CYP4Z1: variants seen among roughly 807,000 people sequenced by gnomAD.
CYP4Z1 encodes cytochrome P450 4Z1.
CYP4Z1 carries 41 observed loss-of-function variants against 54.2 expected under a neutral mutation model. The ratio of observed to expected loss-of-function variants is 0.76; its 90% CI spans 0.59 to 0.98. The LOEUF is 0.98. CYP4Z1 is among the 50% of genes least tolerant of loss of function. The pLI is 0.00. For synonymous variants in CYP4Z1, 163 were observed against 206.2 expected, an observed-to-expected ratio of 0.79 and a Z score of 1.79; for missense variants, 513 against 599.0, an observed-to-expected ratio of 0.86 and a Z score of 1.50.
At chr1:47,095,558 T>A (rs2148534981) in intron 7 of CYP4Z1, among the ~76,000 whole-genome samples, 1 of 152,358 alleles carries the variant, frequency 6.6e-6, no homozygotes, top group African/African-American at 2.4e-5. Flanking sequence ...AAAACAATAT[T>A]TTTATTTTAT....
chr1:47,056,000 A>G, the CYP4Z1 span, among the ~76,000 whole-genome samples: 1 of 151,832 alleles, frequency 6.6e-6, no homozygotes, highest in African/African-American at 2.4e-5. Context: ...TAGTTCTTTT[A>G]ATTGTGATGT....
chr1:47,104,411 A>G (rs1210872522), intron 8 of CYP4Z1, among the ~76,000 whole-genome samples: 1 of 152,174 alleles, frequency 6.6e-6, no homozygotes, highest in Non-Finnish European at 1.5e-5. Context: ...TAGCTACTCC[A>G]GGCAGACCAA....
chr1:47,106,219 G>C lies in CYP4Z1; in HGVS notation c.1159G>C (p.Asp387His). 1 of 1,613,152 alleles carries C rather than the reference G, an allele frequency of 6.2e-7. No homozygotes were observed. The highest frequency in any genetic ancestry group is 1.1e-5 in the South Asian group (1 of 91,016). Reference protein sequence around the residue: ...APVVNISRLLDKPITFPDGRS... With the variant: ...APVVNISRLLHKPITFPDGRS... Reference sequence around the variant, plus strand: ...GGTAGTAAACATATCCCGGTTACTCGACAAACCCATCACCTTTCCAGATGG... The same window carrying C: ...GGTAGTAAACATATCCCGGTTACTCCACAAACCCATCACCTTTCCAGATGG... Residue 387 changes from aspartate (D) to histidine (H), a missense_variant, in exon 9 of 12, where the codon GAC becomes CAC. By Grantham distance (81) the Asp-to-His change is moderately conservative. Transcript: ENST00000334194.
intron 1 of CYP4Z1, 152 bp downstream of exon 1, chr1:47,067,819 G>A: frequency 2.9e-6 from 2 of 687,154 alleles, no homozygotes; most frequent in Non-Finnish European, 2.2e-6. Flanking sequence ...GATATGGGGA[G>A]GAAAGATATT....
intron 10 of CYP4Z1, among the ~76,000 whole-genome samples, chr1:47,116,284 A>G (rs184717620): frequency 1.4e-3 from 214 of 152,348 alleles, no homozygotes; most frequent in African/African-American, 4.8e-3. Flanking sequence ...CAAATAGAAA[A>G]GATAATAATT....
intron 9 of CYP4Z1, among the ~76,000 whole-genome samples, chr1:47,106,683 G>A (rs1644760037): frequency 6.6e-6 from 1 of 152,118 alleles, no homozygotes; most frequent in African/African-American, 2.4e-5. Flanking sequence ...GTAATCCACA[G>A]ACTCCAGGAT....
intron 8 of CYP4Z1, among the ~76,000 whole-genome samples, chr1:47,103,619 A>T (rs1644736670): frequency 3.4e-5 from 3 of 89,300 alleles, no homozygotes; most frequent in East Asian, 2.8e-4. Context: ...TTTTAGACAG[A>T]GTTTTGCTCT....
At chr1:47,106,313 A>G in intron 9 of CYP4Z1, 52 bp downstream of exon 9, 2 of 1,570,182 alleles carry the variant, frequency 1.3e-6, no homozygotes, top group Non-Finnish European at 1.7e-6. Context: ...CTGGATTGAA[A>G]TGTCTTAACA....
At chr1:47,099,540 A>G (rs908847223) in intron 8 of CYP4Z1, among the ~76,000 whole-genome samples, 2 of 152,210 alleles carry the variant, frequency 1.3e-5, no homozygotes, top group Non-Finnish European at 2.9e-5. Flanking sequence ...CAACTGCGGA[A>G]AGAATAGTCT....
intron 9 of CYP4Z1, among the ~76,000 whole-genome samples, chr1:47,108,511 TAA>T (rs1557634167): frequency 6.6e-6 from 1 of 152,024 alleles, no homozygotes. Flanking sequence ...TGTTTATTTC[TAA>T]AAAGAAACAT....
chr1:47,116,077 G>C (rs1315848194), intron 10 of CYP4Z1, among the ~76,000 whole-genome samples: 3 of 152,118 alleles, frequency 2.0e-5, no homozygotes, highest in African/African-American at 4.8e-5. Flanking sequence ...GAGGGGGCCT[G>C]GGAGAGAACA....
intron 9 of CYP4Z1, among the ~76,000 whole-genome samples, chr1:47,113,217 C>A (rs1253377166): frequency 1.3e-5 from 2 of 152,182 alleles, no homozygotes; most frequent in Non-Finnish European, 2.9e-5. Flanking sequence ...AGTATTAAAG[C>A]TTGGCTTCAT....
chr1:47,101,331 G>A (rs1644720028), intron 8 of CYP4Z1, among the ~76,000 whole-genome samples: 1 of 152,036 alleles, frequency 6.6e-6, no homozygotes, highest in African/African-American at 2.4e-5. Flanking sequence ...TCCTAGAGGT[G>A]CCTCATTAGA....
chr1:47,112,765 C>T (rs1485422427), intron 9 of CYP4Z1, among the ~76,000 whole-genome samples: 1 of 152,012 alleles, frequency 6.6e-6, no homozygotes, highest in Admixed American at 6.6e-5. Context: ...AACAGTGCAT[C>T]ATGGCCAAGT....
intron 9 of CYP4Z1, among the ~76,000 whole-genome samples, chr1:47,110,407 C>A: frequency 7.1e-6 from 1 of 141,272 alleles, no homozygotes; most frequent in Admixed American, 7.1e-5. Flanking sequence ...TCAAAAATAT[C>A]TCATCTGAGG....
chr1:47,068,708 G>T lies in CYP4Z1; in HGVS notation c.264G>T (p.Thr88=). 1 of 1,614,128 alleles carries T rather than the reference G, an allele frequency of 6.2e-7. No homozygotes were observed. The highest frequency in any genetic ancestry group is 2.2e-5 in the East Asian group (1 of 44,880). Residue 88 remains threonine, a synonymous_variant, in exon 2 of 12, where the codon ACG becomes ACT. Transcript: ENST00000334194. Reference sequence around the variant, plus strand: ...TTCCCTTGTGGGTTGGACCCTTTACGATGTTCTTCAGTGTCCATGACCCAG... The same window carrying T: ...TTCCCTTGTGGGTTGGACCCTTTACTATGTTCTTCAGTGTCCATGACCCAG... ...CAVPLWVGPF[T]MFFSVHDPDY...
At chr1:47,086,256 G>A (rs1644593864) in intron 6 of CYP4Z1, among the ~76,000 whole-genome samples, 2 of 152,152 alleles carry the variant, frequency 1.3e-5, no homozygotes, top group Admixed American at 1.3e-4. Context: ...CTAGATCCTT[G>A]AGGAATCGCC....
chr1:47,061,789 T>C, the CYP4Z1 span, among the ~76,000 whole-genome samples: 1 of 152,188 alleles, frequency 6.6e-6, no homozygotes, highest in Non-Finnish European at 1.5e-5. Flanking sequence ...TTCAACAAAA[T>C]ACTTGCAAAC....
intron 8 of CYP4Z1, among the ~76,000 whole-genome samples, chr1:47,101,516 T>A (rs1369351942): frequency 6.6e-6 from 1 of 152,160 alleles, no homozygotes; most frequent in Non-Finnish European, 1.5e-5. Flanking sequence ...CAATTGTTGT[T>A]CAGGAGAATG....
Sources: gnomAD v4.1 joint callset for allele counts (sites outside exome capture counted in the v4.1 genomes callset) on GRCh38, gnomAD v4.1.1 for gene constraint, MANE v1.5 for transcripts, NCBI Gene and HGNC (gene_info 2026-07-23, HGNC 2026-07-21) for gene names.